Variants in DPYD observed in about 807,000 individuals in gnomAD.
The protein encoded by DPYD is dihydropyrimidine dehydrogenase.
A neutral mutation model predicts 116.2 loss-of-function variants in DPYD; 109 were observed. The observed-to-expected ratio is 0.94, with a 90% CI of 0.80 to 1.10. The LOEUF (loss-of-function observed/expected upper bound fraction) is 1.10. Ranked by LOEUF, DPYD falls within the 50% of genes least tolerant of loss-of-function variation. DPYD has a pLI of 0.00. For synonymous variants in DPYD, 440 were observed against 432.0 expected (o/e 1.02, Z -0.23); for missense variants, 1,302 against 1,254.5 (o/e 1.04, Z -0.57).
At chr1:97,502,144 T>G (rs1264987355) in intron 13 of DPYD, among the ~76,000 whole-genome samples, 1 of 152,208 alleles carries the variant, frequency 6.6e-6, no homozygotes, top group East Asian at 1.9e-4. Context: ...TCATAAGATC[T>G]TCTGTTAACC....
intron 20 of DPYD, among the ~76,000 whole-genome samples, chr1:97,126,490 G>T (rs1379859575): frequency 1.3e-5 from 2 of 151,978 alleles, no homozygotes; most frequent in Non-Finnish European, 2.9e-5. Context: ...CTATGCACGT[G>T]CATGCTGGGT....
intron 20 of DPYD, among the ~76,000 whole-genome samples, chr1:97,181,435 T>A (rs1657636490): frequency 6.6e-6 from 1 of 152,144 alleles, no homozygotes. Flanking sequence ...AATGATGGAC[T>A]ACTCATGACA....
At chr1:97,712,562 T>C (rs1043128614) in intron 5 of DPYD, among the ~76,000 whole-genome samples, 21 of 152,122 alleles carry the variant, frequency 1.4e-4, no homozygotes, top group African/African-American at 5.1e-4. Flanking sequence ...TAGATTATCT[T>C]TCCTAACATA....
chr1:97,387,752 T>G (rs564252028), intron 14 of DPYD, among the ~76,000 whole-genome samples: 22 of 152,220 alleles, frequency 1.4e-4, no homozygotes, highest in South Asian at 4.1e-4. Flanking sequence ...GAGGTGGGAA[T>G]GAGCATGGTA....
At chr1:97,126,746 T>G (rs954751884) in intron 20 of DPYD, among the ~76,000 whole-genome samples, 2 of 152,196 alleles carry the variant, frequency 1.3e-5, no homozygotes, top group African/African-American at 4.8e-5. Context: ...AATACATTCG[T>G]TGAGTAAATG....
chr1:97,706,533 CCTT>C (rs1413029649), intron 5 of DPYD, among the ~76,000 whole-genome samples: 1 of 152,110 alleles, frequency 6.6e-6, no homozygotes, highest in Non-Finnish European at 1.5e-5. Context: ...CCCTCTCTCA[CCTT>C]CTCCCCAGCA....
chr1:97,798,185 T>C (rs920097922), intron 3 of DPYD: 1 of 152,256 alleles, frequency 6.6e-6, no homozygotes, highest in Admixed American at 6.5e-5. Context: ...AATATGGTCC[T>C]AACCTATATG....
Position 97,101,752 on chromosome 1 carries a change from T to C in DPYD, c.2623-3120A>G, listed in dbSNP as rs577663764. On this transcript the variant is annotated intron_variant, in intron 20 of 22. Transcript: ENST00000370192. ...AGTTGTAGCCTGCGGTAACTCAAAG[T>C]GAGAGGTTTTGAGCGTCATGCTATA... 9.2e-4 allele frequency among the ~76,000 whole-genome samples: 140 copies of C among 152,158 alleles called. 3 individuals carry two copies. In the South Asian group the frequency reaches 0.028, roughly 31 times the overall value.
At chr1:97,860,068 T>C (rs1671043912) in intron 2 of DPYD, among the ~76,000 whole-genome samples, 1 of 152,086 alleles carries the variant, frequency 6.6e-6, no homozygotes, top group South Asian at 2.1e-4. Context: ...TTAGGCTGGG[T>C]GCGGTGGCTC....
intron 1 of DPYD, among the ~76,000 whole-genome samples, chr1:97,887,449 G>A (rs1672553542): frequency 8.1e-6 from 1 of 123,704 alleles, no homozygotes; most frequent in African/African-American, 3.1e-5. Flanking sequence ...CAGCCTGGGT[G>A]ACAAAGTGAG....
chr1:97,351,135 C>T (rs1670121257), intron 16 of DPYD, among the ~76,000 whole-genome samples: 1 of 152,148 alleles, frequency 6.6e-6, no homozygotes, highest in African/African-American at 2.4e-5. Context: ...TATTATCTCT[C>T]TTTCAAAACT....
intron 20 of DPYD, among the ~76,000 whole-genome samples, chr1:97,181,503 C>T (rs759377759): frequency 6.6e-6 from 1 of 152,096 alleles, no homozygotes; most frequent in Non-Finnish European, 1.5e-5. Flanking sequence ...GGAAAGTGAA[C>T]ACTTCTCAAT....
rs116474277 is a variant in DPYD at position 97,602,023 on chromosome 1, C to T, written c.851-6857G>A. Among the ~76,000 whole-genome samples the T allele has an allele frequency of 1.3e-5, 2 of 151,894 alleles. 1 individual carries two copies. Among genetic ancestry groups the T allele is most frequent in the Non-Finnish European group, 2.9e-5 (2 of 67,838 alleles). ...ACAATTGGTTAGAGAATAACAAGAA[C>T]ATTTTTAAAAATGTTATGAATGGAG... On this transcript the variant is annotated intron_variant, in intron 8 of 22. Coordinates refer to ENST00000370192, the MANE Select transcript of DPYD (RefSeq NM_000110.4).
intron 18 of DPYD, among the ~76,000 whole-genome samples, chr1:97,245,645 C>T (rs149176637): frequency 5.9e-4 from 89 of 151,978 alleles, no homozygotes; most frequent in African/African-American, 2.0e-3. Flanking sequence ...ATGATAATGC[C>T]GATGACCGGA....
intron 2 of DPYD, among the ~76,000 whole-genome samples, chr1:97,873,419 G>A (rs958456806): frequency 6.6e-6 from 1 of 151,728 alleles, no homozygotes; most frequent in Non-Finnish European, 1.5e-5. Flanking sequence ...AAATATTCAG[G>A]AGATAATACT....
intron 20 of DPYD, among the ~76,000 whole-genome samples, chr1:97,192,459 T>A (rs752181769): frequency 6.6e-6 from 1 of 152,168 alleles, no homozygotes; most frequent in Non-Finnish European, 1.5e-5. Flanking sequence ...GGTTATCTAT[T>A]TAGAATAATA....
At chr1:97,815,333 G>C (rs113893538) in intron 3 of DPYD, among the ~76,000 whole-genome samples, 79 of 152,156 alleles carry the variant, frequency 5.2e-4, no homozygotes, top group African/African-American at 1.7e-3. Context: ...AGGAACAGAG[G>C]AGAAAATAGT....
At chr1:97,232,501 C>T (rs977173507) in intron 19 of DPYD, among the ~76,000 whole-genome samples, 4 of 151,906 alleles carry the variant, frequency 2.6e-5, no homozygotes, top group Admixed American at 6.6e-5. Flanking sequence ...CCTTTTTCAC[C>T]TCTCCTCTGG....
At chr1:97,694,580 A>G (rs1046961232) in intron 6 of DPYD, among the ~76,000 whole-genome samples, 2 of 152,120 alleles carry the variant, frequency 1.3e-5, no homozygotes, top group Non-Finnish European at 2.9e-5. Context: ...GCCTAACAGT[A>G]AGCTTTGGTT....
Sources: gnomAD v4.1 joint callset for allele counts (sites outside exome capture counted in the v4.1 genomes callset) on GRCh38, gnomAD v4.1.1 for gene constraint, MANE v1.5 for transcripts, NCBI Gene and HGNC (gene_info 2026-07-23, HGNC 2026-07-21) for gene names.